Variants in KIAA1217 observed in about 807,000 individuals in gnomAD.
The protein encoded by KIAA1217 is KIAA1217.
Under a neutral mutation model 163.9 loss-of-function variants are expected in KIAA1217, and 88 were observed. The ratio of observed to expected loss-of-function variants is 0.54; its 90% CI spans 0.45 to 0.64. The LOEUF (loss-of-function observed/expected upper bound fraction) is 0.64, where lower values mean the gene tolerates loss of function less well. Among genes scored for constraint, KIAA1217 ranks in the 30% least tolerant of loss-of-function variants. The pLI, the probability that KIAA1217 is intolerant of heterozygous loss-of-function variation, is 0.00. For missense variants in KIAA1217, 2,372 were observed against 2,475.0 expected (o/e 0.96, Z 0.88); for synonymous variants, 903 against 923.1 (o/e 0.98, Z 0.39).
At chr10:24,057,540 C>G (rs2060572234) in intron 2 of KIAA1217, among the ~76,000 whole-genome samples, 1 of 152,166 alleles carries the variant, frequency 6.6e-6, no homozygotes, top group Admixed American at 6.5e-5. Flanking sequence ...CCTTCTGTGA[C>G]TACCTTATTT....
intron 3 of KIAA1217, among the ~76,000 whole-genome samples, chr10:24,404,371 CT>C: frequency 6.6e-6 from 1 of 151,720 alleles, no homozygotes; most frequent in African/African-American, 2.4e-5. Flanking sequence ...GATGGAGACC[CT>C]CCTGGCCAAC....
rs1175824902 is a variant in KIAA1217 at position 24,547,366 on chromosome 10, G to A, written c.*1042G>A. ...GGAAGTATCCATACATTTTTAAAAA[G>A]CAACAAGTTTGCACAGCTAGAGTGT... is the stretch of plus-strand genomic sequence containing the variant. On this transcript the variant is annotated 3_prime_UTR_variant, in exon 21 of 21. Coordinates refer to ENST00000376454, the MANE Select transcript of KIAA1217 (RefSeq NM_019590.5). The A allele has an allele frequency of 6.6e-6, 1 of 152,570 alleles. No homozygotes were observed. Among genetic ancestry groups the A allele is most frequent in the East Asian group, 1.9e-4 (1 of 5,202 alleles). The allele number at this position is 152,570 out of a possible 1,614,324, so 9.5% of individuals were successfully genotyped here.
At chr10:23,767,471 C>T (rs983578101) in intron 1 of KIAA1217, among the ~76,000 whole-genome samples, 8 of 152,140 alleles carry the variant, frequency 5.3e-5, no homozygotes, top group Non-Finnish European at 1.2e-4. Context: ...CACAGTGGCT[C>T]ATGCCTGTAA....
chr10:23,995,709 A>G lies in KIAA1217; in HGVS notation c.-320-11516A>G, dbSNP rs12242430. Among the ~76,000 whole-genome samples the G allele has an allele frequency of 3.0e-3, 461 of 152,288 alleles. 3 individuals are homozygous for G. The highest frequency in any genetic ancestry group is 0.011 in the African/African-American group (441 of 41,564). ...GTTTGGAAGCACATTAAGTTTTTAG[A>G]TTGAAACAGCAATAAAATAATGTCA... On this transcript the variant is annotated intron_variant, in intron 1 of 18. Coordinates refer to the KIAA1217 transcript ENST00000376462.
At chr10:24,393,378 C>A (rs950902445) in intron 3 of KIAA1217, among the ~76,000 whole-genome samples, 6 of 152,188 alleles carry the variant, frequency 3.9e-5, no homozygotes, top group Non-Finnish European at 7.4e-5. Flanking sequence ...ACTAAGCAGG[C>A]CCCTGTCTGG....
At chr10:23,915,802 A>G (rs1315256813) in intron 1 of KIAA1217, among the ~76,000 whole-genome samples, 5 of 152,192 alleles carry the variant, frequency 3.3e-5, no homozygotes, top group African/African-American at 1.2e-4. Context: ...GTTTGGGCAG[A>G]GAGGAATACC....
intron 2 of KIAA1217, among the ~76,000 whole-genome samples, chr10:24,285,479 C>T (rs1335706844): frequency 1.3e-5 from 2 of 152,102 alleles, no homozygotes; most frequent in South Asian, 2.1e-4. Context: ...GTCCTTTCCC[C>T]ATGGCTTAGT....
At chr10:23,979,216 C>T (rs151126978) in intron 1 of KIAA1217, among the ~76,000 whole-genome samples, 30 of 152,336 alleles carry the variant, frequency 2.0e-4, no homozygotes, top group Non-Finnish European at 4.0e-4. Context: ...ATTCCTTAGA[C>T]TTAAAGACTC....
At chr10:23,854,136 C>G (rs1268039236) in intron 1 of KIAA1217, among the ~76,000 whole-genome samples, 1 of 151,950 alleles carries the variant, frequency 6.6e-6, no homozygotes, top group Non-Finnish European at 1.5e-5. Context: ...TTCCTGCTTT[C>G]TCTTGTGGGC....
chr10:24,283,432 C>T (rs1164569126), intron 2 of KIAA1217, among the ~76,000 whole-genome samples: 3 of 152,002 alleles, frequency 2.0e-5, no homozygotes, highest in Non-Finnish European at 4.4e-5. Context: ...TTTGGGAGGC[C>T]AAGGTGAGCA....
At chr10:24,240,428 G>A (rs2072928469) in intron 2 of KIAA1217, among the ~76,000 whole-genome samples, 1 of 152,210 alleles carries the variant, frequency 6.6e-6, no homozygotes, top group Non-Finnish European at 1.5e-5. Context: ...TCATGTGTGA[G>A]AATGAGACCT....
intron 2 of KIAA1217, among the ~76,000 whole-genome samples, chr10:24,189,004 G>A (rs1266937598): frequency 1.3e-5 from 2 of 151,538 alleles, no homozygotes; most frequent in Non-Finnish European, 2.9e-5. Context: ...TACTCTGGTA[G>A]CTGAGGCAGG....
chr10:23,936,803 C>T (rs1362363707), intron 1 of KIAA1217, among the ~76,000 whole-genome samples: 2 of 152,190 alleles, frequency 1.3e-5, no homozygotes, highest in Non-Finnish European at 2.9e-5. Flanking sequence ...TTTGTTATGG[C>T]AGCCCCAGGA....
intron 2 of KIAA1217, among the ~76,000 whole-genome samples, chr10:24,249,503 T>A (rs2074235449): frequency 1.3e-5 from 2 of 152,182 alleles, no homozygotes; most frequent in Non-Finnish European, 2.9e-5. Flanking sequence ...ATGGGCCAAG[T>A]TTCCTATATT....
intron 1 of KIAA1217, among the ~76,000 whole-genome samples, chr10:23,760,221 C>T (rs1834182974): frequency 6.6e-6 from 1 of 151,964 alleles, no homozygotes; most frequent in Non-Finnish European, 1.5e-5. Flanking sequence ...TCTGTTTGCT[C>T]CTCATGGATC....
intron 1 of KIAA1217, among the ~76,000 whole-genome samples, chr10:23,894,180 G>A (rs1003307352): frequency 2.0e-5 from 3 of 148,934 alleles, no homozygotes; most frequent in African/African-American, 7.3e-5. Flanking sequence ...TATTCAATTA[G>A]GAAAAGAGGA....
chr10:24,537,500 C>G (rs893135201), intron 17 of KIAA1217, among the ~76,000 whole-genome samples: 4 of 151,832 alleles, frequency 2.6e-5, no homozygotes, highest in Admixed American at 1.3e-4. Flanking sequence ...TCGCTTGAAC[C>G]CAGGAGGTGG....
chr10:24,326,097 G>A (rs915579172), intron 2 of KIAA1217, among the ~76,000 whole-genome samples: 2 of 152,012 alleles, frequency 1.3e-5, no homozygotes, highest in Non-Finnish European at 2.9e-5. Flanking sequence ...CACTATAAAG[G>A]CCTTGCATAT....
intron 1 of KIAA1217, among the ~76,000 whole-genome samples, chr10:23,759,489 T>C (rs1408833246): frequency 6.6e-6 from 1 of 152,202 alleles, no homozygotes; most frequent in Non-Finnish European, 1.5e-5. Context: ...TTGTTCCTGA[T>C]CTTAGAGGAA....
Sources: gnomAD v4.1 joint callset for allele counts (sites outside exome capture counted in the v4.1 genomes callset) on GRCh38, gnomAD v4.1.1 for gene constraint, MANE v1.5 for transcripts, NCBI Gene and HGNC (gene_info 2026-07-23, HGNC 2026-07-21) for gene names.